Variants in CACNB1 observed in about 807,000 individuals in gnomAD.
CACNB1 encodes calcium voltage-gated channel auxiliary subunit beta 1, also known as voltage-dependent L-type calcium channel subunit beta-1.
In CACNB1, 29 loss-of-function variants were observed where a neutral mutation model predicts 71.6. That is an observed-to-expected ratio of 0.40 (90% CI 0.30 to 0.55). The LOEUF is 0.55. Ranked by LOEUF, CACNB1 falls within the 20% of genes least tolerant of loss-of-function variation. CACNB1 has a pLI of 0.38. For synonymous variants in CACNB1, 300 were observed against 319.6 expected, an observed-to-expected ratio of 0.94 and a Z score of 0.65; for missense variants, 623 against 801.8, an observed-to-expected ratio of 0.78 and a Z score of 2.69.
At position 39,187,512 on chromosome 17, in the gene CACNB1, G is replaced by C. The variant is rs750860097; in HGVS notation, c.381C>G (p.Thr127=). Residue 127 remains threonine (T), a synonymous_variant, in exon 4 of 14, where the codon ACC becomes ACG. Transcript: ENST00000394303. The part of the protein sequence containing the change: ...DEVPVQGVAI[T]FEPKDFLHIK... The stretch of plus-strand genomic sequence containing the variant: ...TGTGCAGGAAGTCTTTGGGCTCGAA[G>C]GTGATGGCCACTCCCTGCACAGGCA... 6.2e-7 allele frequency: 1 copy of C among 1,614,118 alleles called. No homozygotes were observed. Among genetic ancestry groups the C allele is most frequent in the South Asian group, 1.1e-5 (1 of 91,090 alleles).
At chr17:39,193,132 A>G in intron 2 of CACNB1, 1 of 230,524 alleles carries the variant, frequency 4.3e-6, no homozygotes, top group Non-Finnish European at 8.9e-6. Context: ...CCCAACACAC[A>G]TGCAGGCACG....
chr17:39,183,007 G>C, intron 11 of CACNB1: 2 of 955,612 alleles, frequency 2.1e-6, no homozygotes, highest in Non-Finnish European at 2.5e-6. Context: ...ATCCCCACTG[G>C]CATCTAGAAG....
intron 1 of CACNB1, among the ~76,000 whole-genome samples, chr17:39,196,751 C>T (rs1243060341): frequency 6.7e-6 from 1 of 150,084 alleles, no homozygotes; most frequent in Non-Finnish European, 1.5e-5. Flanking sequence ...AGTTGGCATC[C>T]ATCCAACTTT....
Position 39,187,592 on chromosome 17 carries a change from C to T in CACNB1, c.301G>A (p.Val101Met), listed in dbSNP as rs545324860. ...ACATTTGTCCGCACAGCAAATGCCA[C>T]TGGCTTGGTCTAGAGGAGGCACACA... Reference protein sequence around the residue: ...AQLEKAKTKPVAFAVRTNVGY... With the variant: ...AQLEKAKTKPMAFAVRTNVGY... The change falls in exon 4 of 14, where the codon GTG (valine) becomes ATG (methionine). Residue 101 changes from valine (V) to methionine (M), a missense_variant. Transcript: ENST00000394303. 6.2e-7 allele frequency: 1 copy of T among 1,614,222 alleles called. No homozygotes were observed. Among genetic ancestry groups the T allele is most frequent in the Non-Finnish European group, 8.5e-7 (1 of 1,180,024 alleles).
At chr17:39,192,920 GAGA>G (rs1307526372) in intron 2 of CACNB1, 4 of 152,758 alleles carry the variant, frequency 2.6e-5, no homozygotes, top group African/African-American at 7.2e-5. Flanking sequence ...GCATGAAGGA[GAGA>G]AGGAGAGAAA....
intron 11 of CACNB1, 49 bp downstream of exon 11, chr17:39,183,664 G>A (rs1260670932): frequency 6.9e-7 from 1 of 1,454,438 alleles, no homozygotes; most frequent in Non-Finnish European, 9.2e-7. Context: ...AACCCAAGCA[G>A]CCCTTTCAAA....
chr17:39,184,866 TGGG>T lies in CACNB1; in HGVS notation c.649-5_649-3del. The T allele has an allele frequency of 8.2e-7, 1 of 1,215,270 alleles. No individual in the cohort carries two copies. Among genetic ancestry groups the T allele is most frequent in the Non-Finnish European group, 1.2e-6 (1 of 836,616 alleles). The allele number at this position is 1,215,270 out of a possible 1,614,324, so 75.3% of individuals were successfully genotyped here. A position where few individuals can be genotyped will look rare whatever the true frequency, so the allele number is the denominator to read the frequency against. On this transcript the variant is annotated splice_region_variant and splice_polypyrimidine_tract_variant and intron_variant, in intron 7 of 13. Coordinates refer to ENST00000394303, the MANE Select transcript of CACNB1 (RefSeq NM_000723.5). Reference sequence around the variant, plus strand: ...GTCATAGGGGGGCACATGCTCTGTCTGGGGGGGGAAGCAGGGAGGGGAAACCCC... The same window carrying T: ...GTCATAGGGGGGCACATGCTCTGTCTGGGGGAAGCAGGGAGGGGAAACCCC...
In CACNB1 at chr17:39,184,848, G is replaced by C. The variant is rs748339655; in HGVS notation, c.665C>G (p.Pro222Arg). ...QKQKSTEHVP[P>R]YDVVPSMRPI... ...CCTCATGGAAGGCACCACGTCATAGGGGGGCACATGCTCTGTCTGGGGGGG... is the reference window on the plus strand; with the variant it reads ...CCTCATGGAAGGCACCACGTCATAGCGGGGCACATGCTCTGTCTGGGGGGG... Residue 222 changes from proline to arginine, a missense_variant, in exon 8 of 14, where the codon CCC becomes CGC. Pro to Arg is a moderately radical substitution (Grantham distance 103). Coordinates refer to ENST00000394303, the MANE Select transcript of CACNB1 (RefSeq NM_000723.5). 4.4e-6 allele frequency: 7 copies of C among 1,604,784 alleles called. No individual in the cohort carries two copies. The East Asian group carries it at 6.7e-5, about 15-fold the overall frequency.
intron 2 of CACNB1, chr17:39,193,784 G>T: frequency 4.9e-6 from 1 of 202,274 alleles, no homozygotes; most frequent in South Asian, 6.2e-5. Context: ...ATTCTTCCCA[G>T]CCCTGGCCAT....
In CACNB1 at chr17:39,183,821, C is replaced by T. The variant is rs773679078; in HGVS notation, c.942G>A (p.Arg314=). 1.9e-6 allele frequency: 3 copies of T among 1,614,032 alleles called. No homozygotes were observed. Among genetic ancestry groups the T allele is most frequent in the Non-Finnish European group, 2.5e-6 (3 of 1,179,982 alleles). The change falls in exon 11 of 14, where the codon CGG becomes CGA. Residue 314 remains arginine (R), a synonymous_variant. Transcript: ENST00000394303. ...CATCCAGAGCGACCAACTGAAGGGT[C>T]CGGGCCAGCTCGAAGATTCGCTCGA... is the stretch of plus-strand genomic sequence containing the variant. ...SEIERIFELA[R]TLQLVALDAD... is the part of the protein sequence containing the mutation.
intron 3 of CACNB1, among the ~76,000 whole-genome samples, chr17:39,187,944 T>C (rs1368087339): frequency 3.3e-5 from 5 of 151,336 alleles, no homozygotes; most frequent in Admixed American, 2.6e-4. Context: ...ACCTGGAAGG[T>C]GGAGGTTGCA....
rs770221856 is a variant in CACNB1, at chr17:39,175,612, C to T, written c.1378G>A (p.Gly460Arg). ...TACTCGTGCATGCTGGCGTGCTCCC[C>T]GGTGGCCCGTTCCAGTGGCTGGTCC... ...SGDQPLERAT[G>R]EHASMHEYPG... Residue 460 changes from glycine to arginine, a missense_variant, in exon 14 of 14, where the codon GGG (glycine) becomes AGG (arginine). Coordinates refer to ENST00000394303, the MANE Select transcript of CACNB1 (RefSeq NM_000723.5). The surrounding 1 kb of genome is among the most constrained non-coding windows in gnomAD (Gnocchi z 4.7). 43 of 1,589,724 alleles carry T rather than the reference C, an allele frequency of 2.7e-5. 1 individual carries two copies. Among genetic ancestry groups the T allele is most frequent in the African/African-American group, 4.0e-5 (3 of 74,458 alleles).
chr17:39,183,070 G>T (rs1057389205), intron 11 of CACNB1: 7 of 401,604 alleles, frequency 1.7e-5, no homozygotes, highest in African/African-American at 2.2e-5. Context: ...CCTTCCTACC[G>T]ATTTCCCCTC....
In CACNB1 at chr17:39,197,396, G is replaced by T; in HGVS notation, c.84+16C>A. On this transcript the variant is annotated intron_variant, in intron 1 of 13. Transcript: ENST00000394303. ...GGAGCGACCCCCTCCCGTTGGGCCG[G>T]GCCACCACGCCTCACCTGCGGGCTG... is the stretch of plus-strand genomic sequence containing the variant. 1 of 1,437,962 alleles carries T rather than the reference G, an allele frequency of 7.0e-7. No individual in the cohort carries two copies. The highest frequency in any genetic ancestry group is 9.1e-7 in the Non-Finnish European group (1 of 1,094,800). The allele number at this position is 1,437,962 out of a possible 1,614,324, so 89.1% of individuals were successfully genotyped here.
chr17:39,182,659 G>A (rs796236308), intron 11 of CACNB1, among the ~76,000 whole-genome samples: 23 of 146,536 alleles, frequency 1.6e-4, no homozygotes, highest in African/African-American at 4.0e-4. Context: ...CTAAGATCGC[G>A]CCACTGCACT....
At chr17:39,188,899 A>G (rs896321015) in intron 3 of CACNB1, among the ~76,000 whole-genome samples, 9 of 151,778 alleles carry the variant, frequency 5.9e-5, no homozygotes, top group African/African-American at 2.2e-4. Flanking sequence ...CAAAATTAGC[A>G]TGGTGTGGTG....
intron 11 of CACNB1, among the ~76,000 whole-genome samples, chr17:39,180,304 A>ATTC (rs1187021924): frequency 6.6e-6 from 1 of 151,648 alleles, no homozygotes; most frequent in Admixed American, 6.6e-5. Flanking sequence ...TTTAGAAATA[A>ATTC]TTCTTGAATT....
chr17:39,185,802 C>A, intron 6 of CACNB1: 1 of 793,118 alleles, frequency 1.3e-6, no homozygotes, highest in Non-Finnish European at 2.0e-6. Flanking sequence ...GGGATGTGCC[C>A]ATGCTACCCT....
Position 39,186,113 on chromosome 17 carries a change from G to A in CACNB1, c.628+383C>T, listed in dbSNP as rs200694051. On this transcript the variant is annotated intron_variant, in intron 6 of 13. Coordinates refer to ENST00000394303, the MANE Select transcript of CACNB1 (RefSeq NM_000723.5). This position sits in a 1 kb window ranked among gnomAD's most constrained non-coding sequence, Gnocchi z 4.1. ...GTTAGTCATTTCATTACCTGGACCGGAGAGTCAGGAGAGAGGGAGGAGGGA... is the reference window on the plus strand; with the variant it reads ...GTTAGTCATTTCATTACCTGGACCGAAGAGTCAGGAGAGAGGGAGGAGGGA... 2 of 1,612,664 alleles carry A rather than the reference G, an allele frequency of 1.2e-6. No homozygotes were observed. The highest frequency in any genetic ancestry group is 2.2e-5 in the East Asian group (1 of 44,868).
Sources: gnomAD v4.1 joint callset for allele counts (sites outside exome capture counted in the v4.1 genomes callset) on GRCh38, gnomAD v4.1.1 for gene constraint, Gnocchi (gnomAD v3.1) non-coding constraint, MANE v1.5 for transcripts, NCBI Gene and HGNC (gene_info 2026-07-23, HGNC 2026-07-21) for gene names.